The following SPIRE1 variants were observed in gnomAD, a reference collection of about 807,000 sequenced individuals.
The protein encoded by SPIRE1 is spire type actin nucleation factor 1.
A neutral mutation model predicts 94.1 loss-of-function variants in SPIRE1; 40 were observed. That is an observed-to-expected ratio of 0.43 (90% CI 0.33 to 0.55). The LOEUF (loss-of-function observed/expected upper bound fraction) is 0.55, where lower values mean the gene tolerates loss of function less well. Among genes scored for constraint, SPIRE1 ranks in the 20% least tolerant of loss-of-function variants. The probability of loss-of-function intolerance (pLI) is 0.06; values close to 1 mark genes in which losing one functional copy is unlikely to be tolerated. For missense variants in SPIRE1, 838 were observed against 975.2 expected (o/e 0.86, Z 1.87); for synonymous variants, 376 against 371.7 (o/e 1.01, Z -0.13).
Position 12,606,365 on chromosome 18 carries a change from A to AG in SPIRE1, c.372+28696_372+28697insC, listed in dbSNP as rs1158600249. Among the ~76,000 whole-genome samples, 3 of 151,546 alleles carry AG rather than the reference A, an allele frequency of 2.0e-5. No homozygotes were observed. In the East Asian group the frequency reaches 5.8e-4, roughly 29 times the overall value. ...AGGAAAAGAATAAAGACAGAAGAAA[A>AG]AAGAGAGATAAAGAGGACAGGGAAG... is the stretch of plus-strand genomic sequence containing the variant. On this transcript the variant is annotated intron_variant, in intron 2 of 16. Coordinates refer to ENST00000409402, the MANE Select transcript of SPIRE1 (RefSeq NM_001128626.2).
chr18:12,559,629 C>T lies in SPIRE1; in HGVS notation c.373-12725G>A, dbSNP rs772367632. On this transcript the variant is annotated intron_variant, in intron 2 of 16. Coordinates refer to ENST00000409402, the MANE Select transcript of SPIRE1 (RefSeq NM_001128626.2). The surrounding 1 kb of genome is among the most constrained non-coding windows in gnomAD (Gnocchi z 4.7). The stretch of plus-strand genomic sequence containing the variant: ...CAAGAGCGAGCGAGGGCTGCTAGCA[C>T]GTTGTCACCTCTCACTACTACAAGA... 3.9e-4 allele frequency among the ~76,000 whole-genome samples: 59 copies of T among 152,216 alleles called. 2 individuals are homozygous for T. Among genetic ancestry groups the T allele is most frequent in the South Asian group, 2.1e-4 (1 of 4,836 alleles).
chr18:12,519,541 G>A (rs543628598), intron 4 of SPIRE1, among the ~76,000 whole-genome samples: 3 of 152,224 alleles, frequency 2.0e-5, no homozygotes, highest in Non-Finnish European at 2.9e-5. Flanking sequence ...GAAATGCAGT[G>A]ATGATGATAA....
chr18:12,481,779 A>C (rs140360626), intron 9 of SPIRE1, among the ~76,000 whole-genome samples: 16 of 152,342 alleles, frequency 1.1e-4, no homozygotes, highest in African/African-American at 3.6e-4. Context: ...ATAAAGGTAA[A>C]AATCTTAAAT....
chr18:12,468,187 G>T (rs144177362), intron 10 of SPIRE1, among the ~76,000 whole-genome samples: 3 of 152,240 alleles, frequency 2.0e-5, no homozygotes, highest in African/African-American at 7.2e-5. Flanking sequence ...AAATTAAAAA[G>T]ATCAATGATT....
chr18:12,556,621 T>C (rs977064141), intron 2 of SPIRE1, among the ~76,000 whole-genome samples: 3 of 152,294 alleles, frequency 2.0e-5, no homozygotes, highest in Admixed American at 2.0e-4. Context: ...CTGCAGACCT[T>C]CGCCATGAGT....
intron 2 of SPIRE1, among the ~76,000 whole-genome samples, chr18:12,613,888 T>C (rs762340891): frequency 6.6e-6 from 1 of 152,046 alleles, no homozygotes; most frequent in East Asian, 1.9e-4. Flanking sequence ...GAGACTCTTG[T>C]CTCAAAAAAA....
At chr18:12,480,654 G>T (rs996866253) in intron 9 of SPIRE1, among the ~76,000 whole-genome samples, 1 of 152,100 alleles carries the variant, frequency 6.6e-6, no homozygotes, top group East Asian at 1.9e-4. Flanking sequence ...AATAAACTAA[G>T]GCTCAGATGG....
intron 2 of SPIRE1, among the ~76,000 whole-genome samples, chr18:12,613,513 G>A (rs1020526989): frequency 6.6e-6 from 1 of 152,110 alleles, no homozygotes; most frequent in South Asian, 2.1e-4. Flanking sequence ...TTGACATGTG[G>A]CTAGCCCAAA....
intron 4 of SPIRE1, among the ~76,000 whole-genome samples, chr18:12,512,775 CTTTTTTTT>C (rs35531986): frequency 1.4e-5 from 2 of 140,306 alleles, no homozygotes; most frequent in Admixed American, 7.2e-5. Context: ...CTTTCTTTTT[CTTTTTTTT>C]TTTTTTTTTA....
intron 2 of SPIRE1, among the ~76,000 whole-genome samples, chr18:12,570,058 A>C (rs2035924707): frequency 6.6e-6 from 1 of 152,172 alleles, no homozygotes; most frequent in Non-Finnish European, 1.5e-5. Context: ...CACTAACACC[A>C]ATGCTTCATG....
intron 9 of SPIRE1, among the ~76,000 whole-genome samples, chr18:12,480,623 T>A (rs1220531736): frequency 6.6e-6 from 1 of 152,184 alleles, no homozygotes; most frequent in African/African-American, 2.4e-5. Flanking sequence ...TCATACTGAT[T>A]TTGATCTCTA....
At position 12,509,913 on chromosome 18, in the gene SPIRE1, T is replaced by C. The variant is rs371673831; in HGVS notation, c.807+2541A>G. 6.3e-3 allele frequency among the ~76,000 whole-genome samples: 961 copies of C among 152,058 alleles called. 6 individuals are homozygous for C. Among genetic ancestry groups the C allele is most frequent in the African/African-American group, 0.017 (703 of 41,472 alleles). On this transcript the variant is annotated intron_variant, in intron 5 of 16. Coordinates refer to ENST00000409402, the MANE Select transcript of SPIRE1 (RefSeq NM_001128626.2). The stretch of plus-strand genomic sequence containing the variant: ...CAGCCTGACCAACATGGTGAAACCC[T>C]GTCTCTACTAAAAATACAAAAATTA...
chr18:12,623,908 G>T (rs902226078), intron 2 of SPIRE1, among the ~76,000 whole-genome samples: 4 of 151,112 alleles, frequency 2.6e-5, no homozygotes, highest in African/African-American at 9.7e-5. Context: ...GATTACAGGC[G>T]TAAGCCACTG....
At chr18:12,620,629 C>T (rs1348071179) in intron 2 of SPIRE1, among the ~76,000 whole-genome samples, 1 of 152,126 alleles carries the variant, frequency 6.6e-6, no homozygotes, top group Non-Finnish European at 1.5e-5. Flanking sequence ...TAGATCCTTT[C>T]CTCAAACCAT....
chr18:12,641,752 G>GT (rs1015391385), intron 1 of SPIRE1, among the ~76,000 whole-genome samples: 3 of 151,360 alleles, frequency 2.0e-5, no homozygotes, highest in African/African-American at 7.3e-5. Flanking sequence ...GTGAAACTAC[G>GT]TATTTATTAG....
At chr18:12,554,777 A>C (rs2035452010) in intron 2 of SPIRE1, among the ~76,000 whole-genome samples, 1 of 152,242 alleles carries the variant, frequency 6.6e-6, no homozygotes, top group African/African-American at 2.4e-5. Flanking sequence ...CAACACATTA[A>C]AAAGATCATG....
intron 2 of SPIRE1, among the ~76,000 whole-genome samples, chr18:12,599,437 A>T (rs538653088): frequency 2.6e-4 from 40 of 152,090 alleles, no homozygotes; most frequent in African/African-American, 7.5e-4. Context: ...ATTTAAAAAA[A>T]TTTTTTTATA....
At chr18:12,655,654 AG>A (rs1031810694) in intron 1 of SPIRE1, among the ~76,000 whole-genome samples, 10 of 152,174 alleles carry the variant, frequency 6.6e-5, no homozygotes, top group Non-Finnish European at 8.8e-5. Context: ...CACTCACACT[AG>A]TGATGTAAAA....
intron 2 of SPIRE1, among the ~76,000 whole-genome samples, chr18:12,567,739 GA>G (rs2035854036): frequency 2.0e-5 from 3 of 152,170 alleles, no homozygotes; most frequent in Admixed American, 2.0e-4. Flanking sequence ...ACATTCAATG[GA>G]TTCTGGGTCT....
Sources: allele counts gnomAD v4.1 joint callset (sites outside exome capture counted in the v4.1 genomes callset), GRCh38; gene constraint gnomAD v4.1.1; non-coding constraint Gnocchi (gnomAD v3.1); transcripts MANE v1.5; gene names NCBI Gene and HGNC (gene_info 2026-07-23, HGNC 2026-07-21).